MARCHF1: variants seen among roughly 807,000 people sequenced by gnomAD.
MARCHF1 encodes E3 ubiquitin-protein ligase MARCHF1.
MARCHF1 carries 40 observed loss-of-function variants against 54.2 expected under a neutral mutation model. That is an observed-to-expected ratio of 0.74 (90% CI 0.57 to 0.96). MARCHF1 has a LOEUF of 0.96. Ranked by LOEUF, MARCHF1 falls within the 40% of genes least tolerant of loss-of-function variation. The pLI is 0.00. For missense variants in MARCHF1, 586 were observed against 656.5 expected, an observed-to-expected ratio of 0.89 and a Z score of 1.17; for synonymous variants, 236 against 236.3, an observed-to-expected ratio of 1.00 and a Z score of 0.01.
chr4:163,820,162 A>C (rs1748651551), intron 4 of MARCHF1, among the ~76,000 whole-genome samples: 1 of 152,018 alleles, frequency 6.6e-6, no homozygotes, highest in Admixed American at 6.6e-5. Flanking sequence ...TAGTCCACTG[A>C]AATAGTTTTT....
At chr4:164,170,685 C>T (rs541619617) in intron 1 of MARCHF1, among the ~76,000 whole-genome samples, 10 of 151,996 alleles carry the variant, frequency 6.6e-5, no homozygotes, top group East Asian at 1.9e-4. Context: ...TTCCCAATGA[C>T]GCTATGGGAG....
chr4:163,719,942 A>C (rs1422673431), intron 4 of MARCHF1, among the ~76,000 whole-genome samples: 1 of 152,084 alleles, frequency 6.6e-6, no homozygotes, highest in Non-Finnish European at 1.5e-5. Flanking sequence ...TTGTCAGATT[A>C]GTAGATTGCA....
chr4:164,142,536 T>C (rs541185150), intron 1 of MARCHF1, among the ~76,000 whole-genome samples: 1 of 152,142 alleles, frequency 6.6e-6, no homozygotes, highest in Admixed American at 6.5e-5. Context: ...GCAGCCTAAC[T>C]GGGAGGCACC....
chr4:164,274,822 G>A (rs1427672611), intron 1 of MARCHF1, among the ~76,000 whole-genome samples: 3 of 150,030 alleles, frequency 2.0e-5, no homozygotes, highest in East Asian at 2.0e-4. Context: ...GACTACAGGC[G>A]CCCGCCACTA....
At chr4:163,894,428 A>C (rs1750729858) in intron 3 of MARCHF1, among the ~76,000 whole-genome samples, 1 of 151,808 alleles carries the variant, frequency 6.6e-6, no homozygotes, top group Non-Finnish European at 1.5e-5. Context: ...TTAAATGTAC[A>C]ATGAGTGAAT....
At chr4:163,553,197 A>G (rs539570062) in intron 8 of MARCHF1, among the ~76,000 whole-genome samples, 3 of 152,352 alleles carry the variant, frequency 2.0e-5, no homozygotes, top group African/African-American at 7.2e-5. Context: ...GGTAAAGTCT[A>G]AGCAACTTAA....
chr4:164,231,709 C>T (rs777506768), intron 1 of MARCHF1, among the ~76,000 whole-genome samples: 1 of 152,002 alleles, frequency 6.6e-6, no homozygotes, highest in Non-Finnish European at 1.5e-5. Context: ...GTCTTTCAGC[C>T]CAAATTATAC....
At chr4:163,877,179 G>T (rs1248677885) in intron 3 of MARCHF1, among the ~76,000 whole-genome samples, 1 of 152,080 alleles carries the variant, frequency 6.6e-6, no homozygotes, top group African/African-American at 2.4e-5. Flanking sequence ...TCTTTGATCT[G>T]TTATCACTTG....
intron 2 of MARCHF1, among the ~76,000 whole-genome samples, chr4:164,000,117 A>G (rs1289176886): frequency 1.3e-5 from 2 of 151,754 alleles, no homozygotes. Flanking sequence ...TTTTGATAAT[A>G]ATAACACTCA....
At chr4:164,165,960 T>G (rs1477258777) in intron 1 of MARCHF1, among the ~76,000 whole-genome samples, 1 of 151,992 alleles carries the variant, frequency 6.6e-6, no homozygotes, top group East Asian at 1.9e-4. Context: ...TTTCATTTCA[T>G]GTTTGCTTTA....
intron 4 of MARCHF1, among the ~76,000 whole-genome samples, chr4:163,782,950 T>C (rs984307485): frequency 7.2e-5 from 11 of 152,182 alleles, no homozygotes; most frequent in African/African-American, 2.4e-4. Context: ...AGAAGAACTG[T>C]GACAGAATGG....
rs546078712 is a variant in MARCHF1 at position 163,700,810 on chromosome 4, T to A, written c.162+3A>T. On this transcript the variant is annotated splice_donor_region_variant and intron_variant, in intron 5 of 9. Coordinates refer to ENST00000514618, the MANE Select transcript of MARCHF1 (RefSeq NM_001394959.1). Reference sequence around the variant, plus strand: ...CAAACAAGAAAATGAGTACTTCACCTACTTTTGAAATGTTACTTGATCGAC... The same window carrying A: ...CAAACAAGAAAATGAGTACTTCACCAACTTTTGAAATGTTACTTGATCGAC... The A allele has an allele frequency of 4.9e-5, 76 of 1,535,544 alleles. No individual in the cohort carries two copies. Among genetic ancestry groups the A allele is most frequent in the Non-Finnish European group, 6.5e-5 (75 of 1,145,706 alleles).
chr4:164,354,409 T>C (rs1730450735), intron 1 of MARCHF1, among the ~76,000 whole-genome samples: 1 of 135,700 alleles, frequency 7.4e-6, no homozygotes, highest in South Asian at 2.3e-4. Flanking sequence ...AAAAAGCTTA[T>C]CCACCATGAT....
chr4:164,017,190 T>C (rs1317235061), intron 2 of MARCHF1, among the ~76,000 whole-genome samples: 6 of 152,054 alleles, frequency 3.9e-5, no homozygotes, highest in African/African-American at 1.4e-4. Context: ...ATAGGATATT[T>C]AGGATATTTA....
intron 4 of MARCHF1, among the ~76,000 whole-genome samples, chr4:163,825,785 AG>A (rs756654476): frequency 1.6e-4 from 24 of 151,724 alleles, no homozygotes; most frequent in Admixed American, 6.6e-5. Context: ...TTTTTTCTTA[AG>A]AATGTTTACT....
At chr4:163,904,966 C>T (rs1751032266) in intron 3 of MARCHF1, among the ~76,000 whole-genome samples, 1 of 152,028 alleles carries the variant, frequency 6.6e-6, no homozygotes, top group Non-Finnish European at 1.5e-5. Flanking sequence ...GCTACAAAAG[C>T]AAAAATACTG....
At chr4:164,363,119 G>A (rs1286273571) in intron 1 of MARCHF1, among the ~76,000 whole-genome samples, 9 of 151,836 alleles carry the variant, frequency 5.9e-5, no homozygotes, top group South Asian at 2.1e-4. Flanking sequence ...AGTTAAACAC[G>A]GCAGACTTTT....
intron 3 of MARCHF1, among the ~76,000 whole-genome samples, chr4:163,865,954 T>C (rs1231613943): frequency 6.6e-6 from 1 of 151,748 alleles, no homozygotes; most frequent in Non-Finnish European, 1.5e-5. Context: ...TCTCCATTTT[T>C]TTCCTTTCCC....
intron 4 of MARCHF1, among the ~76,000 whole-genome samples, chr4:163,706,141 G>A (rs995112192): frequency 2.6e-5 from 4 of 152,058 alleles, no homozygotes; most frequent in African/African-American, 9.7e-5. Context: ...TTCCTCCAGT[G>A]AGATGTGACC....
Sources: gnomAD v4.1 joint callset for allele counts (sites outside exome capture counted in the v4.1 genomes callset) on GRCh38, gnomAD v4.1.1 for gene constraint, MANE v1.5 for transcripts, NCBI Gene and HGNC (gene_info 2026-07-23, HGNC 2026-07-21) for gene names.